Variants in IFNGR1 observed in about 807,000 individuals in gnomAD.
The protein encoded by IFNGR1 is interferon gamma receptor 1, also known as AVP, type 2.
In IFNGR1, 23 loss-of-function variants were observed where a neutral mutation model predicts 35.4. The ratio of observed to expected loss-of-function variants is 0.65; its 90% CI spans 0.47 to 0.92. The LOEUF is 0.92. Among genes scored for constraint, IFNGR1 ranks in the 40% least tolerant of loss-of-function variants. The pLI, the probability that IFNGR1 is intolerant of heterozygous loss-of-function variation, is 0.00. For synonymous variants in IFNGR1, 199 were observed against 209.5 expected, an observed-to-expected ratio of 0.95 and a Z score of 0.43; for missense variants, 533 against 583.4, an observed-to-expected ratio of 0.91 and a Z score of 0.89.
intron 1 of IFNGR1, among the ~76,000 whole-genome samples, chr6:137,211,308 T>A (rs1779567770): frequency 6.6e-6 from 1 of 152,204 alleles, no homozygotes; most frequent in Non-Finnish European, 1.5e-5. Flanking sequence ...AAAAACTAAC[T>A]TAAAAACAGA....
chr6:137,202,279 A>AG (rs1314984749), intron 5 of IFNGR1, among the ~76,000 whole-genome samples: 1 of 152,258 alleles, frequency 6.6e-6, no homozygotes, highest in Non-Finnish European at 1.5e-5. Context: ...CGGCAATGCC[A>AG]CCGTGTGGCC....
chr6:137,210,017 T>C (rs1779538397), intron 1 of IFNGR1: 1 of 396,444 alleles, frequency 2.5e-6, no homozygotes, highest in Non-Finnish European at 4.4e-6. Context: ...ACAGAAGTCA[T>C]TTTAACATCT....
At chr6:137,202,944 A>C (rs1169463264) in intron 5 of IFNGR1, among the ~76,000 whole-genome samples, 1 of 152,110 alleles carries the variant, frequency 6.6e-6, no homozygotes, top group Non-Finnish European at 1.5e-5. Flanking sequence ...TAGCATATAT[A>C]TCTCTACCTC....
At position 137,206,116 on chromosome 6, in the gene IFNGR1, T is replaced by C. The variant is rs1345091841; in HGVS notation, c.373+20A>G. The C allele has an allele frequency of 6.3e-7, 1 of 1,599,276 alleles. No individual in the cohort carries two copies. Among genetic ancestry groups the C allele is most frequent in the South Asian group, 1.1e-5 (1 of 90,768 alleles). Reference sequence around the variant, plus strand: ...AATATTTTCCAATTTAAAATTTACATGTGTACACATTCTACTCACCATCTC... The same window carrying C: ...AATATTTTCCAATTTAAAATTTACACGTGTACACATTCTACTCACCATCTC... On this transcript the variant is annotated intron_variant, in intron 3 of 6. Transcript: ENST00000367739.
At chr6:137,213,333 T>C (rs1779617819) in intron 1 of IFNGR1, among the ~76,000 whole-genome samples, 1 of 152,228 alleles carries the variant, frequency 6.6e-6, no homozygotes, top group Admixed American at 6.5e-5. Flanking sequence ...TAACTCATGT[T>C]GCTTTTGGAA....
At chr6:137,214,185 G>A (rs548302142) in intron 1 of IFNGR1, among the ~76,000 whole-genome samples, 3 of 152,276 alleles carry the variant, frequency 2.0e-5, no homozygotes, top group Non-Finnish European at 4.4e-5. Context: ...AAGATACAGG[G>A]ACAGGAATGG....
At chr6:137,199,004 C>A (rs1235304267) in intron 6 of IFNGR1, among the ~76,000 whole-genome samples, 6 of 151,936 alleles carry the variant, frequency 3.9e-5, no homozygotes, top group African/African-American at 1.5e-4. Context: ...AAAGGAAGAC[C>A]CGCCCTTAAC....
intron 1 of IFNGR1, chr6:137,218,536 T>C: frequency 4.7e-6 from 6 of 1,288,438 alleles, no homozygotes; most frequent in African/African-American, 1.5e-5. Context: ...CAGCTGCCAC[T>C]TACTTCTCAG....
Position 137,198,209 on chromosome 6 carries a change from G to A in IFNGR1, c.1292C>T (p.Pro431Leu), listed in dbSNP as rs780820310. ...SHSSLSDSEF[P>L]PNNKGEIKTE... ...TTTTATTTCACCTTTATTATTTGGG[G>A]GAAATTCTGAGTCAGATAAGGAGCT... Residue 431 changes from proline to leucine, a missense_variant, in exon 7 of 7, where the codon CCC becomes CTC. Transcript: ENST00000367739. 61 of 1,613,940 alleles carry A rather than the reference G, an allele frequency of 3.8e-5. No homozygotes were observed. The Admixed American group carries it at 1.0e-3, about 27-fold the overall frequency.
At position 137,213,064 on chromosome 6, in the gene IFNGR1, T is replaced by TCC. The variant is rs1439350286; in HGVS notation, c.86-5988_86-5987insGG. 2.0e-5 allele frequency among the ~76,000 whole-genome samples: 3 copies of TCC among 152,354 alleles called. No individual in the cohort carries two copies. In the East Asian group the frequency reaches 5.8e-4, roughly 29 times the overall value. ...CCAAATATTATTTGCCAAAATAATA[T>TCC]GACAGACATAAGCAGTTTTCTTAAG... On this transcript the variant is annotated intron_variant, in intron 1 of 6. Coordinates refer to ENST00000367739, the MANE Select transcript of IFNGR1 (RefSeq NM_000416.3).
At position 137,203,629 on chromosome 6, in the gene IFNGR1, C is replaced by T. The variant is rs770830551; in HGVS notation, c.603G>A (p.Gln201=). 1.2e-6 allele frequency: 2 copies of T among 1,612,650 alleles called. No individual in the cohort carries two copies. The highest frequency in any genetic ancestry group is 2.2e-5 in the South Asian group (2 of 91,044). The change falls in exon 5 of 7, where the codon CAG becomes CAA. Residue 201 remains glutamine (Q), a synonymous_variant. Transcript: ENST00000367739. ...KEDDCDEIQC[Q]LAIPVSSLNS... is the part of the protein sequence containing the mutation. Reference sequence around the variant, plus strand: ...TCAGTGAGGATACTGGAATCGCTAACTGGCACTGAATCTCGTCACAATCAT... The same window carrying T: ...TCAGTGAGGATACTGGAATCGCTAATTGGCACTGAATCTCGTCACAATCAT...
chr6:137,199,330 T>A (rs1020739104), intron 6 of IFNGR1, among the ~76,000 whole-genome samples: 23 of 129,046 alleles, frequency 1.8e-4, no homozygotes, highest in Non-Finnish European at 4.7e-5. Context: ...ATATAATTTA[T>A]AATATATAAT....
chr6:137,218,686 T>A (rs1456004174), intron 1 of IFNGR1: 4 of 349,716 alleles, frequency 1.1e-5, no homozygotes, highest in Non-Finnish European at 2.2e-5. Context: ...ATGCGTCACT[T>A]AACGATGGAG....
At position 137,203,665 on chromosome 6, in the gene IFNGR1, CGTGA is replaced by C. The variant is rs1302455385; in HGVS notation, c.563_566del (p.Leu188ArgfsTer14). ...TCTCGTCACAATCATCTTCCTTCTGCGTGAGTATTTTATACTGGATCTAGATGAA... is the reference window on the plus strand; with the variant it reads ...TCTCGTCACAATCATCTTCCTTCTGCGTATTTTATACTGGATCTAGATGAA... On this transcript the variant is annotated frameshift_variant, in exon 5 of 7. Transcript: ENST00000367739. LOFTEE classifies it high-confidence loss of function. 6 of 1,612,160 alleles carry C rather than the reference CGTGA, an allele frequency of 3.7e-6. No individual in the cohort carries two copies. Among genetic ancestry groups the C allele is most frequent in the Non-Finnish European group, 4.2e-6 (5 of 1,179,260 alleles).
intron 1 of IFNGR1, among the ~76,000 whole-genome samples, chr6:137,209,126 C>T (rs1779516166): frequency 6.6e-6 from 1 of 152,188 alleles, no homozygotes; most frequent in African/African-American, 2.4e-5. Flanking sequence ...GCCAATTTCT[C>T]CCATTTGGAA....
chr6:137,212,304 T>C (rs557673183), intron 1 of IFNGR1, among the ~76,000 whole-genome samples: 2 of 152,260 alleles, frequency 1.3e-5, no homozygotes, highest in African/African-American at 4.8e-5. Context: ...GTTGCCCAGG[T>C]TGGAGTGCAA....
At chr6:137,214,598 A>G (rs773744471) in intron 1 of IFNGR1, among the ~76,000 whole-genome samples, 4 of 152,138 alleles carry the variant, frequency 2.6e-5, no homozygotes, top group Admixed American at 6.5e-5. Context: ...GGCTTATCCA[A>G]TAAATATCTG....
intron 1 of IFNGR1, among the ~76,000 whole-genome samples, chr6:137,209,083 G>C (rs1779515295): frequency 6.6e-6 from 1 of 152,200 alleles, no homozygotes; most frequent in Admixed American, 6.5e-5. Flanking sequence ...CTGGATTATG[G>C]ACTTGCATGG....
intron 1 of IFNGR1, chr6:137,210,104 A>G (rs961013376): frequency 2.8e-6 from 1 of 361,148 alleles, no homozygotes; most frequent in Admixed American, 4.6e-5. Flanking sequence ...TAATCCCAGC[A>G]TTTTGGGAGG....
Sources: gnomAD v4.1 joint callset for allele counts (sites outside exome capture counted in the v4.1 genomes callset) on GRCh38, gnomAD v4.1.1 for gene constraint, MANE v1.5 for transcripts, NCBI Gene and HGNC (gene_info 2026-07-23, HGNC 2026-07-21) for gene names.